Variants in ROBO1 observed in about 807,000 individuals in gnomAD.
ROBO1 encodes the protein roundabout guidance receptor 1.
A neutral mutation model predicts 195.9 loss-of-function variants in ROBO1; 149 were observed. That is an observed-to-expected ratio of 0.76 (90% confidence interval 0.67 to 0.87). ROBO1 has a LOEUF of 0.87. Ranked by LOEUF, ROBO1 falls within the 40% of genes least tolerant of loss-of-function variation. The probability of loss-of-function intolerance (pLI) is 0.00; values close to 1 mark genes in which losing one functional copy is unlikely to be tolerated. For synonymous variants in ROBO1, 816 were observed against 733.2 expected (o/e 1.11, Z -1.82); for missense variants, 1,933 against 2,068.3 (o/e 0.93, Z 1.27).
intron 1 of ROBO1, among the ~76,000 whole-genome samples, chr3:79,686,576 AACAG>A (rs1452692342): frequency 3.3e-5 from 5 of 151,962 alleles, no homozygotes; most frequent in Non-Finnish European, 7.4e-5. Context: ...ATACACCAAT[AACAG>A]ACAGAGAGCC....
At chr3:79,541,736 T>G (rs541893690) in intron 2 of ROBO1, among the ~76,000 whole-genome samples, 239 of 146,798 alleles carry the variant, frequency 1.6e-3, no homozygotes, top group African/African-American at 5.7e-3. Flanking sequence ...GGCCATCAAC[T>G]TAAATATTAC....
intron 3 of ROBO1, among the ~76,000 whole-genome samples, chr3:79,081,658 A>T (rs2079277096): frequency 6.6e-6 from 1 of 152,178 alleles, no homozygotes; most frequent in Non-Finnish European, 1.5e-5. Context: ...AAGAAAGCTG[A>T]CATAGTGGTG....
chr3:78,800,888 T>G (rs1362673207), intron 4 of ROBO1, among the ~76,000 whole-genome samples: 1 of 152,124 alleles, frequency 6.6e-6, no homozygotes, highest in Non-Finnish European at 1.5e-5. Context: ...AAAAAATGAT[T>G]TCAATTCAGA....
At chr3:78,724,572 C>T (rs1465711165) in intron 5 of ROBO1, among the ~76,000 whole-genome samples, 1 of 149,572 alleles carries the variant, frequency 6.7e-6, no homozygotes, top group Non-Finnish European at 1.5e-5. Context: ...GTCCCACCTA[C>T]TCTGGAGGCT....
intron 2 of ROBO1, among the ~76,000 whole-genome samples, chr3:79,548,931 CTT>C (rs1406517283): frequency 1.3e-5 from 2 of 152,136 alleles, no homozygotes; most frequent in Non-Finnish European, 2.9e-5. Flanking sequence ...CAAAAGGGCT[CTT>C]GTTACATGCT....
chr3:78,949,280 C>T (rs1183334356), intron 3 of ROBO1, among the ~76,000 whole-genome samples: 1 of 121,000 alleles, frequency 8.3e-6, no homozygotes, highest in Non-Finnish European at 1.7e-5. Context: ...GCTACAGTAA[C>T]CAAAACAGCA....
chr3:78,725,831 C>T (rs2082148710), intron 5 of ROBO1, among the ~76,000 whole-genome samples: 1 of 152,058 alleles, frequency 6.6e-6, no homozygotes, highest in African/African-American at 2.4e-5. Flanking sequence ...GAAATCAGTG[C>T]TCACAATCAG....
intron 2 of ROBO1, among the ~76,000 whole-genome samples, chr3:79,401,695 T>C (rs538437250): frequency 1.3e-5 from 2 of 152,022 alleles, no homozygotes; most frequent in South Asian, 4.1e-4. Context: ...GTACTAACTA[T>C]GCTTCTTAAT....
chr3:79,724,315 G>A (rs1479659691), intron 1 of ROBO1, among the ~76,000 whole-genome samples: 1 of 152,142 alleles, frequency 6.6e-6, no homozygotes, highest in African/African-American at 2.4e-5. Flanking sequence ...CTCACTTTAA[G>A]CATATTGATT....
In ROBO1 at chr3:79,224,674, T is replaced by G. The variant is rs183692058; in HGVS notation, c.89-99135A>C. ...CATTGATCGAGATATTTTTGTAACT[T>G]CTTTTTTGGAATTATCCTTAGACCC... On this transcript the variant is annotated intron_variant, in intron 2 of 30. Transcript: ENST00000464233. 1.7e-3 allele frequency among the ~76,000 whole-genome samples: 264 copies of G among 152,338 alleles called. 2 individuals carry two copies. The highest frequency in any genetic ancestry group is 5.5e-3 in the Admixed American group (84 of 15,302).
intron 10 of ROBO1, among the ~76,000 whole-genome samples, chr3:78,677,269 T>C (rs938524614): frequency 5.3e-5 from 8 of 152,134 alleles, no homozygotes; most frequent in Non-Finnish European, 8.8e-5. Flanking sequence ...CATCAACCAA[T>C]GAGCAAAATA....
intron 1 of ROBO1, among the ~76,000 whole-genome samples, chr3:79,617,425 T>C (rs1331823782): frequency 2.6e-5 from 4 of 152,116 alleles, no homozygotes; most frequent in Admixed American, 2.6e-4. Context: ...GTTGCAAATG[T>C]CAGCATTTCA....
At position 79,435,374 on chromosome 3, in the gene ROBO1, C is replaced by G. The variant is rs137981306; in HGVS notation, c.88+154450G>C. Reference sequence around the variant, plus strand: ...TAGCTGGGATTACAGGTGCAAGCCACTGGGCCTGGCTCTATCAAACGTTTT... The same window carrying G: ...TAGCTGGGATTACAGGTGCAAGCCAGTGGGCCTGGCTCTATCAAACGTTTT... On this transcript the variant is annotated intron_variant, in intron 2 of 30. Transcript: ENST00000464233. Among the ~76,000 whole-genome samples, 76 of 152,268 alleles carry G rather than the reference C, an allele frequency of 5.0e-4. 1 individual carries two copies. The East Asian group carries it at 8.3e-3, about 17-fold the overall frequency.
intron 1 of ROBO1, among the ~76,000 whole-genome samples, chr3:79,595,729 T>TG (rs1944146784): frequency 6.6e-6 from 1 of 151,160 alleles, no homozygotes; most frequent in South Asian, 2.1e-4. Flanking sequence ...TTTTACTTTT[T>TG]TTTTTTTTTT....
At chr3:78,664,487 C>A (rs1707620920) in intron 14 of ROBO1, among the ~76,000 whole-genome samples, 1 of 152,170 alleles carries the variant, frequency 6.6e-6, no homozygotes, top group Non-Finnish European at 1.5e-5. Flanking sequence ...TGACCACCAC[C>A]CCTAACTGCC....
intron 4 of ROBO1, among the ~76,000 whole-genome samples, chr3:78,765,517 T>C (rs1460856865): frequency 6.6e-6 from 1 of 151,850 alleles, no homozygotes; most frequent in Non-Finnish European, 1.5e-5. Flanking sequence ...AAAAAGACAC[T>C]TCATGAAGAT....
At chr3:78,821,235 G>A (rs2030895303) in intron 4 of ROBO1, among the ~76,000 whole-genome samples, 2 of 143,290 alleles carry the variant, frequency 1.4e-5, no homozygotes, top group Non-Finnish European at 1.5e-5. Flanking sequence ...GTGCGATCTC[G>A]TCTCACTGCA....
chr3:78,823,665 AT>A (rs1019353070), intron 4 of ROBO1, among the ~76,000 whole-genome samples: 2 of 152,084 alleles, frequency 1.3e-5, no homozygotes, highest in African/African-American at 4.8e-5. Flanking sequence ...TTGAACATAC[AT>A]TGCCCTTTTC....
At chr3:79,339,627 C>G (rs182232036) in intron 2 of ROBO1, among the ~76,000 whole-genome samples, 1 of 152,138 alleles carries the variant, frequency 6.6e-6, no homozygotes, top group Non-Finnish European at 1.5e-5. Flanking sequence ...TGATTAATTA[C>G]TTCCTTAGCA....
Sources: gnomAD v4.1 joint callset for allele counts (sites outside exome capture counted in the v4.1 genomes callset) on GRCh38, gnomAD v4.1.1 for gene constraint, MANE v1.5 for transcripts, NCBI Gene and HGNC (gene_info 2026-07-23, HGNC 2026-07-21) for gene names.